Variants in APBA2 observed in about 807,000 individuals in gnomAD.
APBA2 encodes the protein amyloid beta precursor protein binding family A member 2.
Under a neutral mutation model 75.0 loss-of-function variants are expected in APBA2, and 30 were observed. That is an observed-to-expected ratio of 0.40 (90% CI 0.30 to 0.54). APBA2 has a LOEUF of 0.54. APBA2 is among the 20% of genes least tolerant of loss of function. The pLI, the probability that APBA2 is intolerant of heterozygous loss-of-function variation, is 0.49. For missense variants in APBA2, 801 were observed against 1,016.1 expected (o/e 0.79, Z 2.88); for synonymous variants, 444 against 409.6 (o/e 1.08, Z -1.01).
intron 4 of APBA2, among the ~76,000 whole-genome samples, chr15:29,065,972 G>A (rs560817743): frequency 2.0e-5 from 3 of 152,264 alleles, no homozygotes; most frequent in South Asian, 4.2e-4. Flanking sequence ...AGAGCTGCTC[G>A]GGTGTGACGT....
intron 2 of APBA2, among the ~76,000 whole-genome samples, chr15:28,945,969 G>A (rs905272547): frequency 2.6e-5 from 4 of 152,206 alleles, no homozygotes; most frequent in Non-Finnish European, 4.4e-5. Flanking sequence ...TGGTGTTTGT[G>A]CCCACACTGG....
chr15:28,896,154 C>G (rs1448687188), intron 1 of APBA2, among the ~76,000 whole-genome samples: 1 of 151,968 alleles, frequency 6.6e-6, no homozygotes, highest in African/African-American at 2.4e-5. Context: ...CTATTTGATG[C>G]GGGGGTTGGG....
chr15:28,919,968 C>A (rs1280869307), intron 1 of APBA2, among the ~76,000 whole-genome samples: 1 of 152,222 alleles, frequency 6.6e-6, no homozygotes, highest in Non-Finnish European at 1.5e-5. Flanking sequence ...GATGCTCCCT[C>A]CTCACCCAGC....
chr15:28,969,415 G>A (rs573721187), intron 2 of APBA2, among the ~76,000 whole-genome samples: 1 of 152,058 alleles, frequency 6.6e-6, no homozygotes, highest in African/African-American at 2.4e-5. Flanking sequence ...CCTGACCTCA[G>A]GTAATCTGCC....
intron 2 of APBA2, among the ~76,000 whole-genome samples, chr15:28,936,928 G>A (rs946255165): frequency 2.6e-5 from 4 of 152,178 alleles, no homozygotes; most frequent in Non-Finnish European, 4.4e-5. Flanking sequence ...GGAGCCCTGT[G>A]TGTCTCTGAG....
rs1371742321 is a variant in APBA2 at position 29,117,715 on chromosome 15, A to AAAC, written c.*583_*585dup. ...ATAAAGGATGATGGCCACAACATGA[A>AAAC]AACTCCATATTTATTTAGATGCTAT... On this transcript the variant is annotated 3_prime_UTR_variant, in exon 15 of 15. Transcript: ENST00000683413. 1 of 156,986 alleles carries AAAC rather than the reference A, an allele frequency of 6.4e-6. No homozygotes were observed. The highest frequency in any genetic ancestry group is 1.4e-5 in the Non-Finnish European group (1 of 70,944). The allele number at this position is 156,986 out of a possible 1,614,324, so 9.7% of individuals were successfully genotyped here. A position where few individuals can be genotyped will look rare whatever the true frequency, so the allele number is the denominator to read the frequency against.
intron 3 of APBA2, among the ~76,000 whole-genome samples, chr15:29,035,010 G>A (rs1005557162): frequency 6.6e-5 from 10 of 152,222 alleles, no homozygotes; most frequent in African/African-American, 2.2e-4. Context: ...CAGGCTCCCG[G>A]GGAGGTCCTT....
At chr15:28,915,262 A>G (rs2033633525) in intron 1 of APBA2, among the ~76,000 whole-genome samples, 1 of 152,124 alleles carries the variant, frequency 6.6e-6, no homozygotes, top group South Asian at 2.1e-4. Context: ...CCACACACAT[A>G]GCCCATACAC....
chr15:28,964,267 C>T (rs569646702), intron 2 of APBA2, among the ~76,000 whole-genome samples: 5 of 152,300 alleles, frequency 3.3e-5, no homozygotes, highest in East Asian at 1.9e-4. Flanking sequence ...ATTTTATATT[C>T]CCATTAGCAA....
At chr15:28,923,417 A>AT (rs887952532) in intron 2 of APBA2, among the ~76,000 whole-genome samples, 44 of 152,160 alleles carry the variant, frequency 2.9e-4, no homozygotes, top group African/African-American at 9.6e-4. Context: ...CCTAACTCTG[A>AT]TATATAGAGT....
chr15:29,106,486 C>G (rs2044411313), intron 11 of APBA2, 121 bp from the exon 12 acceptor site: 1 of 1,163,850 alleles, frequency 8.6e-7, no homozygotes, highest in East Asian at 2.6e-5. Context: ...ATGAGCCAGC[C>G]TTGGATCCCA....
intron 3 of APBA2, among the ~76,000 whole-genome samples, chr15:29,030,103 C>G (rs547969720): frequency 6.6e-6 from 1 of 152,164 alleles, no homozygotes; most frequent in African/African-American, 2.4e-5. Context: ...CTGCGGGAAC[C>G]GTTTTCCTCC....
intron 2 of APBA2, among the ~76,000 whole-genome samples, chr15:28,954,296 C>T (rs766396250): frequency 2.6e-5 from 4 of 152,164 alleles, no homozygotes; most frequent in Non-Finnish European, 4.4e-5. Flanking sequence ...TGGTTTATTG[C>T]ATACAAACTT....
intron 3 of APBA2, among the ~76,000 whole-genome samples, chr15:29,053,485 C>T (rs993902370): frequency 6.6e-6 from 1 of 152,104 alleles, no homozygotes; most frequent in Non-Finnish European, 1.5e-5. Context: ...TCATTTTCTT[C>T]GTGAGAGCAA....
intron 6 of APBA2, among the ~76,000 whole-genome samples, chr15:29,085,503 C>A (rs7172393): frequency 7.5e-6 from 1 of 134,194 alleles, no homozygotes; most frequent in Non-Finnish European, 1.5e-5. Flanking sequence ...CCAGCCTGGG[C>A]GACAGAGTAA....
intron 2 of APBA2, among the ~76,000 whole-genome samples, chr15:28,958,355 G>T (rs1412468142): frequency 2.6e-5 from 4 of 152,232 alleles, no homozygotes; most frequent in African/African-American, 9.6e-5. Flanking sequence ...TGTGGCGTGG[G>T]AGCTGTTTGT....
chr15:29,035,080 G>A (rs991012361), intron 3 of APBA2, among the ~76,000 whole-genome samples: 2 of 152,168 alleles, frequency 1.3e-5, no homozygotes, highest in Non-Finnish European at 1.5e-5. Context: ...CAGGTCCCAG[G>A]TCTCACATTT....
chr15:28,993,631 C>T (rs977388047), intron 2 of APBA2, among the ~76,000 whole-genome samples: 9 of 152,174 alleles, frequency 5.9e-5, no homozygotes, highest in Non-Finnish European at 1.2e-4. Flanking sequence ...ACATAAGGTG[C>T]AGTGCTGCTA....
intron 6 of APBA2, among the ~76,000 whole-genome samples, chr15:29,085,562 G>C (rs370462052): frequency 6.6e-6 from 1 of 150,586 alleles, no homozygotes; most frequent in Non-Finnish European, 1.5e-5. Context: ...GAGTTTCCCC[G>C]ACAGCCTTTA....
Sources: allele counts gnomAD v4.1 joint callset (sites outside exome capture counted in the v4.1 genomes callset), GRCh38; gene constraint gnomAD v4.1.1; transcripts MANE v1.5; gene names NCBI Gene and HGNC (gene_info 2026-07-23, HGNC 2026-07-21).